Variants in CUX1 observed in about 807,000 individuals in gnomAD.
CUX1 encodes the protein protein CASP.
Under a neutral mutation model 158.8 loss-of-function variants are expected in CUX1, and 31 were observed. The ratio of observed to expected loss-of-function variants is 0.20; its 90% CI spans 0.15 to 0.26. The LOEUF (loss-of-function observed/expected upper bound fraction) is 0.26, where lower values mean the gene tolerates loss of function less well. Among genes scored for constraint, CUX1 ranks in the 10% least tolerant of loss-of-function variants. The probability of loss-of-function intolerance (pLI) is 1.00; values close to 1 mark genes in which losing one functional copy is unlikely to be tolerated. For synonymous variants in CUX1, 879 were observed against 862.1 expected (o/e 1.02, Z -0.34); for missense variants, 1,589 against 2,014.6 (o/e 0.79, Z 4.04).
At chr7:102,089,469 T>C (rs905658652) in intron 4 of CUX1, among the ~76,000 whole-genome samples, 4 of 152,180 alleles carry the variant, frequency 2.6e-5, no homozygotes, top group Admixed American at 2.0e-4. Context: ...TGAGACTTGT[T>C]TGTAGCTTTT....
At chr7:102,169,037 G>A (rs975712751) in intron 9 of CUX1, among the ~76,000 whole-genome samples, 5 of 150,604 alleles carry the variant, frequency 3.3e-5, no homozygotes, top group African/African-American at 4.9e-5. Context: ...GGGTTCAAGC[G>A]ATTCTTCTGC....
intron 3 of CUX1, among the ~76,000 whole-genome samples, chr7:102,034,255 G>T (rs1373611241): frequency 6.6e-6 from 1 of 151,286 alleles, no homozygotes; most frequent in Admixed American, 6.6e-5. Flanking sequence ...TCCCAAGAAG[G>T]CTGTTTTGTT....
At chr7:102,039,232 C>T (rs183170298) in intron 3 of CUX1, among the ~76,000 whole-genome samples, 1 of 152,202 alleles carries the variant, frequency 6.6e-6, no homozygotes, top group Admixed American at 6.5e-5. Context: ...GGACTAAACC[C>T]GAGAGAGGAT....
upstream of CUX1, chr7:101,817,614 G>A: frequency 6.5e-7 from 1 of 1,543,014 alleles, no homozygotes; most frequent in Non-Finnish European, 8.7e-7. This position sits in a 1 kb window ranked among gnomAD's most constrained non-coding sequence, Gnocchi z 4.1. Flanking sequence ...GCGGCGCCGG[G>A]ACAGCCCCGG....
chr7:102,120,258 T>C (rs1831892115), intron 8 of CUX1, among the ~76,000 whole-genome samples: 1 of 152,224 alleles, frequency 6.6e-6, no homozygotes, highest in African/African-American at 2.4e-5. Flanking sequence ...CACGATCCTA[T>C]GCCCTGTCCC....
chr7:102,276,275 A>C (rs1361206510), intron 17 of CUX1, among the ~76,000 whole-genome samples: 1 of 152,038 alleles, frequency 6.6e-6, no homozygotes, highest in Non-Finnish European at 1.5e-5. Context: ...TCATACTGCC[A>C]TATACTTTTT....
intron 21 of CUX1, among the ~76,000 whole-genome samples, chr7:102,229,780 G>T (rs1798772342): frequency 6.6e-6 from 1 of 151,836 alleles, no homozygotes; most frequent in African/African-American, 2.4e-5. Flanking sequence ...ACCACGCCTG[G>T]CTAATTTTTG....
chr7:102,145,018 C>A (rs1192338558), intron 8 of CUX1, among the ~76,000 whole-genome samples: 1 of 144,338 alleles, frequency 6.9e-6, no homozygotes, highest in East Asian at 2.1e-4. Context: ...AACGGAGAGG[C>A]GGAGGTTGCA....
At chr7:102,280,396 G>C (rs1251727925) in intron 19 of CUX1, among the ~76,000 whole-genome samples, 1 of 152,224 alleles carries the variant, frequency 6.6e-6, no homozygotes, top group Non-Finnish European at 1.5e-5. Flanking sequence ...CTACCCGAGG[G>C]TGTGTGGCAG....
chr7:101,969,661 A>T (rs1288145183), intron 2 of CUX1, among the ~76,000 whole-genome samples: 2 of 152,172 alleles, frequency 1.3e-5, no homozygotes, highest in Admixed American at 1.3e-4. Flanking sequence ...GCAGAGACCA[A>T]AATAGTTTGA....
At chr7:101,890,138 C>T (rs1009750798) in intron 1 of CUX1, among the ~76,000 whole-genome samples, 33 of 152,168 alleles carry the variant, frequency 2.2e-4, no homozygotes, top group Admixed American at 8.5e-4. Context: ...AAGGAACGTG[C>T]TTCAGTATCA....
At chr7:101,921,741 G>A (rs1477935057) in intron 2 of CUX1, among the ~76,000 whole-genome samples, 1 of 152,142 alleles carries the variant, frequency 6.6e-6, no homozygotes, top group African/African-American at 2.4e-5. Flanking sequence ...AGTGGCATGA[G>A]TCACCACACC....
chr7:101,889,493 G>A (rs956819857), intron 1 of CUX1, among the ~76,000 whole-genome samples: 7 of 152,098 alleles, frequency 4.6e-5, no homozygotes, highest in Non-Finnish European at 8.8e-5. Flanking sequence ...CCAGTGGGCC[G>A]GGTGCAGTGG....
chr7:102,104,395 C>G lies in CUX1; in HGVS notation c.466C>G (p.Gln156Glu). The G allele has an allele frequency of 6.2e-7, 1 of 1,612,586 alleles. No individual in the cohort carries two copies. Among genetic ancestry groups the G allele is most frequent in the Non-Finnish European group, 8.5e-7 (1 of 1,179,780 alleles). Residue 156 changes from glutamine (Q) to glutamate (E), a missense_variant, in exon 6 of 24, where the codon CAA (glutamine) becomes GAA (glutamate). This residue lies in a region of CUX1 where 515 missense variants were observed against 574.4 expected (regional missense o/e 0.90). Coordinates refer to ENST00000292535, the MANE Select transcript of CUX1 (RefSeq NM_181552.4). ...IREYEQTLKN[Q>E]AETIALEKEQ... ...AGAATATGAACAGACACTGAAGAAC[C>G]AAGCCGAAACCATAGCTCTTGAGAA...
chr7:102,071,198 A>G (rs917323442), intron 4 of CUX1, among the ~76,000 whole-genome samples: 25 of 152,222 alleles, frequency 1.6e-4, no homozygotes, highest in South Asian at 6.2e-4. Flanking sequence ...GGCTCAAGCT[A>G]TCCTCCCACC....
intron 1 of CUX1, among the ~76,000 whole-genome samples, chr7:101,857,511 G>T (rs184596205): frequency 6.6e-6 from 1 of 152,314 alleles, no homozygotes; most frequent in East Asian, 1.9e-4. Flanking sequence ...TTAAAGCAGC[G>T]CACGCTTTGA....
chr7:102,032,391 G>A (rs955584830), intron 3 of CUX1, among the ~76,000 whole-genome samples: 40 of 151,718 alleles, frequency 2.6e-4, no homozygotes, highest in African/African-American at 8.4e-4. Context: ...GTGAGACCCC[G>A]TCTCAGTCTC....
rs184813028 is a variant in CUX1, at chr7:102,132,921, T to A, written c.674+17648T>A. 2.8e-3 allele frequency among the ~76,000 whole-genome samples: 433 copies of A among 152,212 alleles called. 3 individuals carry two copies. The highest frequency in any genetic ancestry group is 0.01 in the African/African-American group (422 of 41,538). On this transcript the variant is annotated intron_variant, in intron 8 of 23. Coordinates refer to ENST00000292535, the MANE Select transcript of CUX1 (RefSeq NM_181552.4). The stretch of plus-strand genomic sequence containing the variant: ...CCTGACCTCAAGTGATTCACCTGCC[T>A]CAGCCTCCCAAAGTGCTGGGATTAC...
intron 2 of CUX1, among the ~76,000 whole-genome samples, chr7:102,019,248 G>C (rs1234059094): frequency 1.3e-5 from 2 of 149,176 alleles, no homozygotes; most frequent in Non-Finnish European, 3.0e-5. Flanking sequence ...TGTTTTTTGA[G>C]ACATAGTCTC....
Sources: allele counts gnomAD v4.1 joint callset (sites outside exome capture counted in the v4.1 genomes callset), GRCh38; gene constraint gnomAD v4.1.1; regional missense constraint gnomAD v4.1.1; non-coding constraint Gnocchi (gnomAD v3.1); transcripts MANE v1.5; gene names NCBI Gene and HGNC (gene_info 2026-07-23, HGNC 2026-07-21).